The following CCDC18 variants were observed in gnomAD, a reference collection of about 807,000 sequenced individuals.
The protein encoded by CCDC18 is coiled-coil domain containing 18, also known as coiled-coil domain-containing protein 18.
In CCDC18, 157 loss-of-function variants were observed where a neutral mutation model predicts 196.0. The observed-to-expected ratio is 0.80, with a 90% CI of 0.70 to 0.91. The LOEUF (loss-of-function observed/expected upper bound fraction) is 0.91. Ranked by LOEUF, CCDC18 falls within the 40% of genes least tolerant of loss-of-function variation. The pLI is 0.00. For synonymous variants in CCDC18, 482 were observed against 529.2 expected (o/e 0.91, Z 1.22); for missense variants, 1,465 against 1,611.6 (o/e 0.91, Z 1.56).
rs373187173 is a variant in CCDC18 at position 93,246,863 on chromosome 1, G to A, written c.3107G>A (p.Arg1036His). The A allele has an allele frequency of 9.8e-6, 15 of 1,534,998 alleles. No homozygotes were observed. The highest frequency in any genetic ancestry group is 4.7e-5 in the South Asian group (4 of 85,864). ...AQVTHLDMTI[R>H]EHRGEMEQKI... ...GTTACACATTTGGATATGACTATTC[G>A]TGAGCACAGAGGAGAAATGGAACAA... is the stretch of plus-strand genomic sequence containing the variant. Residue 1036 changes from arginine to histidine, a missense_variant, in exon 23 of 29, where the codon CGT (arginine) becomes CAT (histidine). Physicochemically the swap from Arg to His is conservative, Grantham distance 29. Transcript: ENST00000690025.
At chr1:93,181,925 T>C (rs1398920842) in intron 1 of CCDC18, among the ~76,000 whole-genome samples, 2 of 152,212 alleles carry the variant, frequency 1.3e-5, no homozygotes, top group Non-Finnish European at 2.9e-5. Flanking sequence ...TGGGAGTTAT[T>C]TCTTGCATGG....
chr1:93,188,936 G>T (rs1045621386), intron 4 of CCDC18, among the ~76,000 whole-genome samples: 2 of 152,066 alleles, frequency 1.3e-5, no homozygotes, highest in African/African-American at 4.8e-5. Flanking sequence ...ATGGAGAATG[G>T]ATATCCATCC....
chr1:93,205,749 C>A, intron 8 of CCDC18, 118 bp downstream of exon 8: 2 of 906,518 alleles, frequency 2.2e-6, no homozygotes, highest in Non-Finnish European at 1.7e-6. Context: ...GAAGGATAGG[C>A]TTCATGACTG....
intron 11 of CCDC18, among the ~76,000 whole-genome samples, chr1:93,212,509 T>G (rs577256509): frequency 6.6e-6 from 1 of 152,132 alleles, no homozygotes; most frequent in East Asian, 1.9e-4. Flanking sequence ...CACCCTCTGA[T>G]AGACCCCAGT....
chr1:93,266,331 A>G (rs1267426718), intron 27 of CCDC18, among the ~76,000 whole-genome samples: 3 of 152,234 alleles, frequency 2.0e-5, no homozygotes, highest in Non-Finnish European at 2.9e-5. Context: ...AATGCCCACA[A>G]GAGAAAGCAG....
At chr1:93,195,073 G>C (rs566045711) in intron 6 of CCDC18, among the ~76,000 whole-genome samples, 1 of 152,284 alleles carries the variant, frequency 6.6e-6, no homozygotes, top group African/African-American at 2.4e-5. Flanking sequence ...GTTTCACCAT[G>C]ATGGTCAGGC....
intron 4 of CCDC18, among the ~76,000 whole-genome samples, chr1:93,189,013 ATTAAG>A (rs1281133762): frequency 6.6e-6 from 1 of 152,210 alleles, no homozygotes; most frequent in East Asian, 1.9e-4. Context: ...TAAATGTACA[ATTAAG>A]TTATTATTGA....
chr1:93,220,502 A>C (rs143310213), intron 14 of CCDC18, among the ~76,000 whole-genome samples: 3 of 152,356 alleles, frequency 2.0e-5, no homozygotes, highest in African/African-American at 7.2e-5. Flanking sequence ...TATCTATGGC[A>C]GTTGAAAGAA....
chr1:93,207,307 C>A lies in CCDC18; in HGVS notation c.1118C>A (p.Ala373Glu). The A allele has an allele frequency of 6.2e-7, 1 of 1,613,206 alleles. No individual in the cohort carries two copies. Among genetic ancestry groups the A allele is most frequent in the South Asian group, 1.1e-5 (1 of 90,986 alleles). The change falls in exon 9 of 29, where the codon GCA (alanine) becomes GAA (glutamate). Residue 373 changes from alanine (A) to glutamate (E), a missense_variant. Transcript: ENST00000690025. ...ENRELKVRVA[A>E]QNERLDLCQQ... is the part of the protein sequence containing the mutation. The stretch of plus-strand genomic sequence containing the variant: ...CGAGAATTAAAGGTCCGTGTTGCAG[C>A]ACAGAATGAGCGACTAGATTTATGT...
intron 27 of CCDC18, among the ~76,000 whole-genome samples, chr1:93,266,268 A>G (rs1485238518): frequency 1.3e-5 from 2 of 152,248 alleles, no homozygotes; most frequent in Non-Finnish European, 2.9e-5. Flanking sequence ...ACAACATACC[A>G]GAATCTCTGG....
chr1:93,254,645 G>T, intron 24 of CCDC18, 31 bp downstream of exon 24: 2 of 1,585,688 alleles, frequency 1.3e-6, no homozygotes, highest in Non-Finnish European at 1.7e-6. Flanking sequence ...TAAGGAACAA[G>T]TGGTAGTCTC....
At chr1:93,247,127 C>T (rs1210818536) in intron 23 of CCDC18, among the ~76,000 whole-genome samples, 173 bp downstream of exon 23, 1 of 151,028 alleles carries the variant, frequency 6.6e-6, no homozygotes, top group Non-Finnish European at 1.5e-5. Context: ...GACACGTGAT[C>T]ATACCTCACT....
At chr1:93,249,871 C>A (rs893764004) in intron 23 of CCDC18, among the ~76,000 whole-genome samples, 2 of 152,010 alleles carry the variant, frequency 1.3e-5, no homozygotes, top group Non-Finnish European at 2.9e-5. Context: ...TATAAACTTT[C>A]CTCTTGGTAC....
chr1:93,270,328 T>C lies in CCDC18; in HGVS notation c.3886-19T>C. The stretch of plus-strand genomic sequence containing the variant: ...ACAAAAATGTATTGAGCACCTACTA[T>C]GTACCAATTTATCTGCAGGAATCAG... On this transcript the variant is annotated intron_variant, in intron 27 of 28. Transcript: ENST00000690025. 7.0e-7 allele frequency: 1 copy of C among 1,426,874 alleles called. No homozygotes were observed. Among genetic ancestry groups the C allele is most frequent in the Non-Finnish European group, 9.6e-7 (1 of 1,043,270 alleles). The allele number at this position is 1,426,874 out of a possible 1,614,324, so 88.4% of individuals were successfully genotyped here.
chr1:93,243,642 C>T (rs1457590816), intron 21 of CCDC18, among the ~76,000 whole-genome samples: 1 of 152,186 alleles, frequency 6.6e-6, no homozygotes, highest in Non-Finnish European at 1.5e-5. Flanking sequence ...CTCTGGAGTG[C>T]TTTGTTGCTT....
At chr1:93,225,444 T>C (rs1159155940) in intron 16 of CCDC18, among the ~76,000 whole-genome samples, 2 of 152,194 alleles carry the variant, frequency 1.3e-5, no homozygotes, top group South Asian at 2.1e-4. Flanking sequence ...TTTTTCTAGC[T>C]GACAAATTAT....
At chr1:93,277,362 T>A (rs1366074648) in intron 28 of CCDC18, among the ~76,000 whole-genome samples, 10 of 59,576 alleles carry the variant, frequency 1.7e-4, no homozygotes, top group Admixed American at 7.4e-4. Flanking sequence ...GGTCAGGTCT[T>A]TCCCTTCCCA....
intron 27 of CCDC18, among the ~76,000 whole-genome samples, chr1:93,266,038 T>C (rs555613789): frequency 1.3e-5 from 2 of 152,282 alleles, no homozygotes; most frequent in South Asian, 4.1e-4. Context: ...GACCACATAG[T>C]TGGAAATAAA....
chr1:93,277,809 AT>A (rs968422332), intron 28 of CCDC18, among the ~76,000 whole-genome samples: 1 of 150,484 alleles, frequency 6.6e-6, no homozygotes, highest in African/African-American at 2.5e-5. Flanking sequence ...TTTTTCATTG[AT>A]TTTTTCATGT....
Sources: allele counts gnomAD v4.1 joint callset (sites outside exome capture counted in the v4.1 genomes callset), GRCh38; gene constraint gnomAD v4.1.1; transcripts MANE v1.5; gene names NCBI Gene and HGNC (gene_info 2026-07-23, HGNC 2026-07-21).